The following GALNTL6 variants were observed in gnomAD, a reference collection of about 807,000 sequenced individuals.
GALNTL6 encodes the protein polypeptide N-acetylgalactosaminyltransferase like 6.
Under a neutral mutation model 73.7 loss-of-function variants are expected in GALNTL6, and 46 were observed. The ratio of observed to expected loss-of-function variants is 0.62; its 90% CI spans 0.49 to 0.80. GALNTL6 has a LOEUF of 0.80. Among genes scored for constraint, GALNTL6 ranks in the 30% least tolerant of loss-of-function variants. The pLI is 0.00. For missense variants in GALNTL6, 604 were observed against 755.0 expected (o/e 0.80, Z 2.34); for synonymous variants, 259 against 263.7 (o/e 0.98, Z 0.17).
chr4:172,842,885 C>T (rs1743290731), intron 7 of GALNTL6, among the ~76,000 whole-genome samples: 1 of 151,994 alleles, frequency 6.6e-6, no homozygotes, highest in African/African-American at 2.4e-5. Flanking sequence ...GAGGGAACAG[C>T]GGCTCCAACA....
At chr4:172,136,617 T>C (rs1317514618) in intron 2 of GALNTL6, among the ~76,000 whole-genome samples, 8 of 151,958 alleles carry the variant, frequency 5.3e-5, no homozygotes, top group African/African-American at 1.7e-4. Context: ...TTTGTGGTGA[T>C]ATGCCTATTT....
intron 2 of GALNTL6, among the ~76,000 whole-genome samples, chr4:171,882,032 C>T (rs1736465264): frequency 6.6e-6 from 1 of 152,150 alleles, no homozygotes; most frequent in Non-Finnish European, 1.5e-5. Context: ...CCCCTAATTT[C>T]CCTTATTTCA....
intron 3 of GALNTL6, among the ~76,000 whole-genome samples, chr4:172,241,927 T>A (rs1484496831): frequency 6.6e-6 from 1 of 152,196 alleles, no homozygotes; most frequent in Non-Finnish European, 1.5e-5. Flanking sequence ...TTAGCATTTT[T>A]AAAATCTTCA....
chr4:172,295,592 A>G (rs944357675), intron 3 of GALNTL6, among the ~76,000 whole-genome samples: 1 of 110,060 alleles, frequency 9.1e-6, no homozygotes, highest in South Asian at 2.8e-4. Flanking sequence ...CTATAACCAA[A>G]TATGTGTAGT....
chr4:171,866,690 G>T (rs951865980), intron 2 of GALNTL6, among the ~76,000 whole-genome samples: 3 of 152,206 alleles, frequency 2.0e-5, no homozygotes, highest in Non-Finnish European at 4.4e-5. Context: ...CAGGGTGCCA[G>T]CGGGGTCGGG....
At chr4:172,629,609 T>C (rs1739308825) in intron 5 of GALNTL6, among the ~76,000 whole-genome samples, 1 of 152,208 alleles carries the variant, frequency 6.6e-6, no homozygotes, top group Non-Finnish European at 1.5e-5. Flanking sequence ...GTTACCACTA[T>C]TAAATTTGAA....
chr4:171,956,738 C>T (rs577442808), intron 2 of GALNTL6, among the ~76,000 whole-genome samples: 3 of 152,230 alleles, frequency 2.0e-5, no homozygotes, highest in East Asian at 3.9e-4. Flanking sequence ...CTCTCAAATG[C>T]CAAACTTTCT....
intron 5 of GALNTL6, among the ~76,000 whole-genome samples, chr4:172,584,966 A>G (rs1037404708): frequency 2.6e-5 from 4 of 152,234 alleles, no homozygotes; most frequent in African/African-American, 9.6e-5. Flanking sequence ...ATGCCTGAGC[A>G]GTACTGAATT....
chr4:172,459,063 G>A (rs1490774250), intron 5 of GALNTL6, among the ~76,000 whole-genome samples: 10 of 152,144 alleles, frequency 6.6e-5, no homozygotes, highest in South Asian at 6.2e-4. Flanking sequence ...TTCAACATAC[G>A]GAAATCAATA....
At chr4:172,283,138 C>T (rs920232483) in intron 3 of GALNTL6, among the ~76,000 whole-genome samples, 2 of 152,112 alleles carry the variant, frequency 1.3e-5, no homozygotes, top group South Asian at 4.1e-4. Context: ...GTTCAGAATA[C>T]AGATAGGAAT....
Position 172,057,723 on chromosome 4 carries a change from AAAAAATATAT to A in GALNTL6, c.139-171931_139-171922del, listed in dbSNP as rs1186272602. Among the ~76,000 whole-genome samples, 9 of 59,926 alleles carry A rather than the reference AAAAAATATAT, an allele frequency of 1.5e-4. No homozygotes were observed. The East Asian group carries it at 4.9e-3, about 33-fold the overall frequency. The allele number at this position is 59,926 out of a possible 152,430, so 39.3% of individuals were successfully genotyped here. Reference sequence around the variant, plus strand: ...TCTCAAAAAAAAAAAAAAAAAAAAAAAAAAATATATATATATATATATATATATATATATA... The same window carrying A: ...TCTCAAAAAAAAAAAAAAAAAAAAAAATATATATATATATATATATATATA... On this transcript the variant is annotated intron_variant, in intron 2 of 12. Transcript: ENST00000506823.
In GALNTL6 at chr4:171,842,662, C is replaced by A. The variant is rs116417040; in HGVS notation, c.138+27944C>A. On this transcript the variant is annotated intron_variant, in intron 2 of 12. Coordinates refer to ENST00000506823, the MANE Select transcript of GALNTL6 (RefSeq NM_001034845.3). ...AGAGAGAGAAGGAGGAGGTCCTAGA[C>A]TCTTAAACAACCAGATCCCCAGTGA... Among the ~76,000 whole-genome samples, 946 of 152,096 alleles carry A rather than the reference C, an allele frequency of 6.2e-3. 13 individuals are homozygous for A. The highest frequency in any genetic ancestry group is 0.021 in the African/African-American group (875 of 41,506).
At chr4:171,907,525 C>T (rs1737328833) in intron 2 of GALNTL6, among the ~76,000 whole-genome samples, 1 of 151,912 alleles carries the variant, frequency 6.6e-6, no homozygotes, top group South Asian at 2.1e-4. Flanking sequence ...ATATTCCATG[C>T]TCATGGGTAG....
chr4:172,736,966 C>T (rs978685380), intron 5 of GALNTL6, among the ~76,000 whole-genome samples: 5 of 152,122 alleles, frequency 3.3e-5, no homozygotes, highest in African/African-American at 1.2e-4. Flanking sequence ...CTCCTCTTTC[C>T]ACCATGATTG....
At chr4:172,921,734 G>T (rs1014225363) in intron 8 of GALNTL6, among the ~76,000 whole-genome samples, 2 of 150,484 alleles carry the variant, frequency 1.3e-5, no homozygotes, top group South Asian at 2.1e-4. Flanking sequence ...GGCAGAGGTT[G>T]CAGTGAGCCA....
At chr4:172,131,606 G>C (rs11132930) in intron 2 of GALNTL6, among the ~76,000 whole-genome samples, 68,714 of 150,888 alleles carry the variant, frequency 0.46, 16,503 homozygotes, top group African/African-American at 0.6. Flanking sequence ...GTGCTCTTTT[G>C]TCAGTGTTTT....
intron 2 of GALNTL6, among the ~76,000 whole-genome samples, chr4:171,841,916 C>T (rs1445025198): frequency 6.6e-6 from 1 of 151,776 alleles, no homozygotes; most frequent in Middle Eastern, 3.2e-3. Context: ...TGGATTATTA[C>T]AAGATTATAA....
intron 5 of GALNTL6, among the ~76,000 whole-genome samples, chr4:172,691,800 T>A (rs1307976041): frequency 6.6e-6 from 1 of 152,188 alleles, no homozygotes; most frequent in Non-Finnish European, 1.5e-5. Context: ...TCATACTCTA[T>A]GATATAGAAA....
intron 2 of GALNTL6, among the ~76,000 whole-genome samples, chr4:172,189,677 A>G (rs1460640613): frequency 1.3e-5 from 2 of 152,194 alleles, no homozygotes; most frequent in African/African-American, 4.8e-5. Context: ...CTGCCCTTTT[A>G]AAATTGAGAA....
Sources: allele counts gnomAD v4.1 joint callset (sites outside exome capture counted in the v4.1 genomes callset), GRCh38; gene constraint gnomAD v4.1.1; transcripts MANE v1.5; gene names NCBI Gene and HGNC (gene_info 2026-07-23, HGNC 2026-07-21).